The following AUTS2 variants were observed in gnomAD, a reference collection of about 807,000 sequenced individuals.
AUTS2 encodes autism susceptibility gene 2 protein.
Under a neutral mutation model 112.4 loss-of-function variants are expected in AUTS2, and 17 were observed. That is an observed-to-expected ratio of 0.15 (90% confidence interval 0.10 to 0.23). The LOEUF (loss-of-function observed/expected upper bound fraction) is 0.23. AUTS2 is among the 10% of genes least tolerant of loss of function. The pLI is 1.00. For synonymous variants in AUTS2, 751 were observed against 702.7 expected (o/e 1.07, Z -1.09); for missense variants, 1,510 against 1,701.6 (o/e 0.89, Z 1.98).
chr7:70,144,295 G>A (rs140563803), intron 4 of AUTS2, among the ~76,000 whole-genome samples: 130 of 152,140 alleles, frequency 8.5e-4, no homozygotes, highest in Non-Finnish European at 1.5e-3. Flanking sequence ...AAATCAAAAA[G>A]AGACAACAAA....
intron 5 of AUTS2, among the ~76,000 whole-genome samples, chr7:70,513,269 G>C (rs1343178871): frequency 6.6e-6 from 1 of 152,150 alleles, no homozygotes; most frequent in Non-Finnish European, 1.5e-5. Context: ...GAAACCTCTG[G>C]GTAGTAGTGG....
chr7:69,620,436 A>G (rs184415759), intron 1 of AUTS2, among the ~76,000 whole-genome samples: 95 of 152,348 alleles, frequency 6.2e-4, no homozygotes, highest in African/African-American at 2.1e-3. Context: ...GAGTTAGTCA[A>G]TAAAATGGAT....
chr7:70,659,139 GA>G (rs1563108036), intron 5 of AUTS2, among the ~76,000 whole-genome samples: 2 of 152,276 alleles, frequency 1.3e-5, no homozygotes, highest in East Asian at 3.9e-4. Flanking sequence ...TCTCAGGGGG[GA>G]CAAGGAGCCT....
At chr7:69,734,980 G>C (rs1216477277) in intron 1 of AUTS2, among the ~76,000 whole-genome samples, 1 of 152,104 alleles carries the variant, frequency 6.6e-6, no homozygotes, top group African/African-American at 2.4e-5. Context: ...AGTAGTTCTG[G>C]AATAGGTTGC....
intron 4 of AUTS2, among the ~76,000 whole-genome samples, chr7:70,165,587 T>C (rs1429198923): frequency 6.6e-6 from 1 of 152,076 alleles, no homozygotes; most frequent in East Asian, 1.9e-4. Context: ...GTAAATTAAG[T>C]CTTCGTCAGA....
At chr7:69,675,475 G>A (rs562241033) in intron 1 of AUTS2, among the ~76,000 whole-genome samples, 1 of 146,658 alleles carries the variant, frequency 6.8e-6, no homozygotes, top group South Asian at 2.2e-4. Context: ...ACTGTGCTGT[G>A]ATCATTTCTC....
intron 5 of AUTS2, among the ~76,000 whole-genome samples, chr7:70,577,250 A>G (rs1290786533): frequency 6.6e-6 from 1 of 152,160 alleles, no homozygotes; most frequent in Non-Finnish European, 1.5e-5. Flanking sequence ...TTAGCTTCCC[A>G]TCATCACCGT....
intron 4 of AUTS2, among the ~76,000 whole-genome samples, chr7:70,308,138 A>T (rs149126682): frequency 5.2e-4 from 79 of 152,314 alleles, no homozygotes; most frequent in Non-Finnish European, 7.6e-4. Context: ...AAGTATTTGA[A>T]ACAAGAAAGG....
intron 5 of AUTS2, among the ~76,000 whole-genome samples, chr7:70,489,263 A>G (rs575262504): frequency 4.9e-4 from 75 of 152,240 alleles, no homozygotes; most frequent in Non-Finnish European, 9.6e-4. Flanking sequence ...TAGAAAAGGA[A>G]CAACTGGATG....
At chr7:69,877,431 A>G (rs969428080) in intron 1 of AUTS2, among the ~76,000 whole-genome samples, 2 of 152,248 alleles carry the variant, frequency 1.3e-5, no homozygotes, top group African/African-American at 2.4e-5. Context: ...CGAATTAGAA[A>G]GTAATAAAGA....
chr7:70,519,634 C>T (rs1455273656), intron 5 of AUTS2, among the ~76,000 whole-genome samples: 2 of 152,144 alleles, frequency 1.3e-5, no homozygotes, highest in African/African-American at 4.8e-5. Context: ...CAAATAGCTT[C>T]GTATCTCATA....
chr7:70,669,440 C>T (rs1440559309), intron 5 of AUTS2, among the ~76,000 whole-genome samples: 1 of 152,170 alleles, frequency 6.6e-6, no homozygotes, highest in Non-Finnish European at 1.5e-5. Context: ...AGAGAAAGTG[C>T]CTGTGCTCTG....
chr7:70,121,864 A>G (rs1805699778), intron 3 of AUTS2, among the ~76,000 whole-genome samples: 1 of 152,196 alleles, frequency 6.6e-6, no homozygotes, highest in South Asian at 2.1e-4. Context: ...ATGAACTTAA[A>G]CAGAGACTTG....
At chr7:70,746,684 T>A (rs1419244813) in intron 6 of AUTS2, among the ~76,000 whole-genome samples, 1 of 151,994 alleles carries the variant, frequency 6.6e-6, no homozygotes, top group African/African-American at 2.4e-5. Context: ...GAGCGCAGGA[T>A]CTTGGCGCAC....
At chr7:69,934,707 C>A (rs966863570) in intron 2 of AUTS2, among the ~76,000 whole-genome samples, 1 of 152,160 alleles carries the variant, frequency 6.6e-6, no homozygotes, top group African/African-American at 2.4e-5. Context: ...CTTGTTTGCA[C>A]CACAACCAGA....
chr7:70,558,602 G>A (rs995231715), intron 5 of AUTS2, among the ~76,000 whole-genome samples: 1 of 152,216 alleles, frequency 6.6e-6, no homozygotes, highest in Admixed American at 6.5e-5. Context: ...ATATAGTTAA[G>A]TGTTTTACTT....
intron 1 of AUTS2, among the ~76,000 whole-genome samples, chr7:69,751,384 G>A: frequency 6.6e-6 from 1 of 150,896 alleles, no homozygotes; most frequent in East Asian, 1.9e-4. Flanking sequence ...TTTTTTTTTT[G>A]GTCTATTGCT....
At chr7:70,223,557 C>T (rs1428336622) in intron 4 of AUTS2, among the ~76,000 whole-genome samples, 1 of 152,150 alleles carries the variant, frequency 6.6e-6, no homozygotes, top group African/African-American at 2.4e-5. Context: ...GTATATAATA[C>T]TTGATAGTAA....
intron 1 of AUTS2, among the ~76,000 whole-genome samples, chr7:69,632,009 A>G (rs953452482): frequency 3.3e-5 from 5 of 152,172 alleles, no homozygotes; most frequent in African/African-American, 9.7e-5. Flanking sequence ...TGTTCTGGTA[A>G]TGCTGCATTT....
Sources: gnomAD v4.1 joint callset for allele counts (sites outside exome capture counted in the v4.1 genomes callset) on GRCh38, gnomAD v4.1.1 for gene constraint, MANE v1.5 for transcripts, NCBI Gene and HGNC (gene_info 2026-07-23, HGNC 2026-07-21) for gene names.